The following SRGAP1 variants were observed in gnomAD, a reference collection of about 807,000 sequenced individuals.
The protein encoded by SRGAP1 is SLIT-ROBO Rho GTPase activating protein 1, also known as SLIT-ROBO Rho GTPase-activating protein 1.
SRGAP1 carries 43 observed loss-of-function variants against 121.9 expected under a neutral mutation model. The observed-to-expected ratio is 0.35, with a 90% CI of 0.28 to 0.46. The LOEUF (loss-of-function observed/expected upper bound fraction) is 0.46. SRGAP1 is among the 20% of genes least tolerant of loss of function. The pLI, the probability that SRGAP1 is intolerant of heterozygous loss-of-function variation, is 1.00. For synonymous variants in SRGAP1, 447 were observed against 485.4 expected (o/e 0.92, Z 1.04); for missense variants, 1,102 against 1,350.9 (o/e 0.82, Z 2.89).
chr12:63,847,230 G>A (rs1169041933), intron 1 of SRGAP1, among the ~76,000 whole-genome samples: 1 of 152,130 alleles, frequency 6.6e-6, no homozygotes, highest in East Asian at 1.9e-4. Context: ...CAGTGTGCCT[G>A]TGGTTCCACT....
rs369769351 is a variant in SRGAP1 at position 63,951,380 on chromosome 12, T to A, written c.68-32567T>A. Among the ~76,000 whole-genome samples, 27 of 152,196 alleles carry A rather than the reference T, an allele frequency of 1.8e-4. No individual in the cohort carries two copies. The East Asian group carries it at 4.5e-3, about 25-fold the overall frequency. ...GGTTTCGCCATGTTGGCCAGGCTGG[T>A]CTCGAACTCCTGACCTCAAGTGATT... On this transcript the variant is annotated intron_variant, in intron 1 of 21. Transcript: ENST00000355086.
At chr12:64,085,699 C>A (rs571168836) in intron 10 of SRGAP1, among the ~76,000 whole-genome samples, 1 of 152,292 alleles carries the variant, frequency 6.6e-6, no homozygotes, top group East Asian at 1.9e-4. Context: ...ATAAATTATT[C>A]TGAAGTTCTA....
At chr12:64,097,955 G>C (rs1327689760) in intron 15 of SRGAP1, among the ~76,000 whole-genome samples, 1 of 152,038 alleles carries the variant, frequency 6.6e-6, no homozygotes, top group Non-Finnish European at 1.5e-5. Context: ...TTCAGTGGGG[G>C]CTTTTTGACA....
chr12:64,119,203 C>A (rs2136626950), intron 18 of SRGAP1, among the ~76,000 whole-genome samples: 1 of 152,236 alleles, frequency 6.6e-6, no homozygotes, highest in East Asian at 1.9e-4. Flanking sequence ...AATGAAGTAT[C>A]TTCTTTGTGT....
intron 3 of SRGAP1, among the ~76,000 whole-genome samples, chr12:64,014,179 C>G (rs1175020421): frequency 6.6e-6 from 1 of 152,184 alleles, no homozygotes; most frequent in Non-Finnish European, 1.5e-5. Context: ...GAGGCATAGG[C>G]AGATCCAAAG....
At chr12:64,005,548 A>G (rs2034053883) in intron 3 of SRGAP1, among the ~76,000 whole-genome samples, 1 of 152,158 alleles carries the variant, frequency 6.6e-6, no homozygotes, top group African/African-American at 2.4e-5. Flanking sequence ...TGGGAGGCAG[A>G]GGCAGGAGGC....
chr12:63,938,861 T>C (rs2031760805), intron 1 of SRGAP1, among the ~76,000 whole-genome samples: 2 of 151,770 alleles, frequency 1.3e-5, no homozygotes, highest in South Asian at 2.1e-4. Flanking sequence ...ACTTTTTTGA[T>C]ATGAAAATCT....
intron 1 of SRGAP1, among the ~76,000 whole-genome samples, chr12:63,941,527 G>C (rs1455630660): frequency 6.6e-6 from 1 of 152,132 alleles, no homozygotes; most frequent in Non-Finnish European, 1.5e-5. Flanking sequence ...CTCTAAAATT[G>C]TAACTGGGAT....
At position 63,844,796 on chromosome 12, in the gene SRGAP1, C is replaced by A; in HGVS notation, c.-21C>A. On this transcript the variant is annotated 5_prime_UTR_variant, in exon 1 of 22. Coordinates refer to ENST00000355086, the MANE Select transcript of SRGAP1 (RefSeq NM_020762.4). The surrounding 1 kb of genome is among the most constrained non-coding windows in gnomAD (Gnocchi z 4.3). Reference sequence around the variant, plus strand: ...CTGAACAAAACTTGCCCATTGAAAGCAAACCCGGAACAGCTGGATAATGTC... The same window carrying A: ...CTGAACAAAACTTGCCCATTGAAAGAAAACCCGGAACAGCTGGATAATGTC... 6.2e-7 allele frequency: 1 copy of A among 1,613,944 alleles called. No individual in the cohort carries two copies. The highest frequency in any genetic ancestry group is 1.1e-5 in the South Asian group (1 of 91,084).
chr12:64,043,316 A>C, intron 5 of SRGAP1, 131 bp from the exon 6 acceptor site: 1 of 910,696 alleles, frequency 1.1e-6, no homozygotes, highest in Non-Finnish European at 1.6e-6. Context: ...TACTTTTGGC[A>C]AAGGACTTTC....
intron 3 of SRGAP1, among the ~76,000 whole-genome samples, chr12:64,005,655 A>C (rs1311579436): frequency 6.6e-6 from 1 of 151,656 alleles, no homozygotes; most frequent in Non-Finnish European, 1.5e-5. Context: ...CTTAAAAAAA[A>C]ATAAAAATAA....
intron 12 of SRGAP1, among the ~76,000 whole-genome samples, chr12:64,092,469 TATACATACATACATAC>T (rs200490527): frequency 9.8e-4 from 126 of 128,238 alleles, no homozygotes; most frequent in African/African-American, 3.9e-3. Flanking sequence ...TACATACATA[TATACATACATACATAC>T]ATACATACAT....
chr12:64,060,242 C>G (rs1429637328), intron 6 of SRGAP1, among the ~76,000 whole-genome samples: 2 of 139,742 alleles, frequency 1.4e-5, no homozygotes, highest in African/African-American at 5.5e-5. Flanking sequence ...GGGTCCCACT[C>G]TGCTGCCCAG....
At chr12:64,133,901 A>C (rs1486714446) in intron 21 of SRGAP1, among the ~76,000 whole-genome samples, 2 of 152,104 alleles carry the variant, frequency 1.3e-5, no homozygotes, top group Admixed American at 6.5e-5. Context: ...CACGAGTCAG[A>C]CTATTCTGCT....
At chr12:64,127,814 G>A (rs775089574) in intron 20 of SRGAP1, 47 bp from the exon 21 acceptor site, 40 of 1,597,874 alleles carry the variant, frequency 2.5e-5, no homozygotes, top group African/African-American at 1.5e-4. Flanking sequence ...AGTACTGCCC[G>A]GTGTGATAAG....
chr12:63,944,403 C>T (rs909235639), intron 1 of SRGAP1, among the ~76,000 whole-genome samples: 1 of 152,206 alleles, frequency 6.6e-6, no homozygotes, highest in Non-Finnish European at 1.5e-5. Context: ...ATCTTCTCAA[C>T]CTTGCATGGC....
intron 4 of SRGAP1, among the ~76,000 whole-genome samples, chr12:64,020,801 C>T (rs1289345825): frequency 6.8e-6 from 1 of 147,570 alleles, no homozygotes; most frequent in Non-Finnish European, 1.5e-5. Context: ...CAAGATTGTG[C>T]CACTGCACTC....
chr12:63,996,863 G>A (rs1423054997), intron 3 of SRGAP1, among the ~76,000 whole-genome samples: 2 of 151,968 alleles, frequency 1.3e-5, no homozygotes, highest in Non-Finnish European at 2.9e-5. Flanking sequence ...TAAGAAATAA[G>A]CCAAAACTAA....
At chr12:64,051,721 C>A (rs1246556183) in intron 6 of SRGAP1, among the ~76,000 whole-genome samples, 3 of 152,174 alleles carry the variant, frequency 2.0e-5, no homozygotes, top group African/African-American at 7.2e-5. Flanking sequence ...TTTGAGATAA[C>A]CTTTACCTAT....
Sources: allele counts gnomAD v4.1 joint callset (sites outside exome capture counted in the v4.1 genomes callset), GRCh38; gene constraint gnomAD v4.1.1; non-coding constraint Gnocchi (gnomAD v3.1); transcripts MANE v1.5; gene names NCBI Gene and HGNC (gene_info 2026-07-23, HGNC 2026-07-21).